The following RBM20 variants were observed in gnomAD, a reference collection of about 807,000 sequenced individuals.
RBM20 encodes the protein RNA-binding protein 20.
In RBM20, 51 loss-of-function variants were observed where a neutral mutation model predicts 110.1. The ratio of observed to expected loss-of-function variants is 0.46; its 90% confidence interval spans 0.37 to 0.59. RBM20 has a LOEUF of 0.59. Among genes scored for constraint, RBM20 ranks in the 20% least tolerant of loss-of-function variants. The pLI, the probability that RBM20 is intolerant of heterozygous loss-of-function variation, is 0.00. For synonymous variants in RBM20, 589 were observed against 618.2 expected (o/e 0.95, Z 0.70); for missense variants, 1,512 against 1,574.9 (o/e 0.96, Z 0.68).
At chr10:110,677,302 G>A (rs1862352806) in intron 1 of RBM20, among the ~76,000 whole-genome samples, 1 of 147,152 alleles carries the variant, frequency 6.8e-6, no homozygotes, top group African/African-American at 2.5e-5. Context: ...ACCTCTTAAA[G>A]GCCCTATCTT....
chr10:110,761,448 C>T (rs538251436), intron 1 of RBM20, among the ~76,000 whole-genome samples: 1 of 151,524 alleles, frequency 6.6e-6, no homozygotes, highest in African/African-American at 2.4e-5. Context: ...TAGTAAATAT[C>T]ACTTTTTAAT....
chr10:110,738,253 A>G (rs7081422), intron 1 of RBM20, among the ~76,000 whole-genome samples: 107,477 of 152,040 alleles, frequency 0.71, 38,739 homozygotes, highest in African/African-American at 0.86. Flanking sequence ...ACAGCAAAAC[A>G]TAGGCTTTAT....
At chr10:110,659,858 T>C (rs113297109) in intron 1 of RBM20, among the ~76,000 whole-genome samples, 4,439 of 150,536 alleles carry the variant, frequency 0.029, 60 homozygotes, top group Admixed American at 0.05. Context: ...TTCCTCTTCT[T>C]TTTTTTTTAA....
At chr10:110,776,820 AT>A (rs1844271347) in intron 1 of RBM20, among the ~76,000 whole-genome samples, 1 of 152,240 alleles carries the variant, frequency 6.6e-6, no homozygotes, top group South Asian at 2.1e-4. Flanking sequence ...TATCCACTCA[AT>A]TTAAAAACCT....
Position 110,820,149 on chromosome 10 carries a change from T to A in RBM20, c.2628T>A (p.Ser876=). 6.4e-7 allele frequency: 1 copy of A among 1,551,444 alleles called. No homozygotes were observed. Residue 876 remains serine (S), a synonymous_variant, in exon 10 of 14, where the codon TCT becomes TCA. Transcript: ENST00000369519. The part of the protein sequence containing the change: ...VGRQEKEAEF[S]DPENTRTKKE... ...GACAGGAGAAAGAAGCAGAGTTCTC[T>A]GATCCGGAAAACACAAGGACAAAGA...
In RBM20 at chr10:110,759,046, C is replaced by T. The variant is rs187607911; in HGVS notation, c.192-21755C>T. ...TCCCTGCTCAACAAAGAACCTATTT[C>T]CTTTCCTAGGAAGGACTCATTCCAC... is the stretch of plus-strand genomic sequence containing the variant. On this transcript the variant is annotated intron_variant, in intron 1 of 13. Transcript: ENST00000369519. 2.5e-3 allele frequency among the ~76,000 whole-genome samples: 381 copies of T among 152,310 alleles called. 2 individuals are homozygous for T. Among genetic ancestry groups the T allele is most frequent in the African/African-American group, 8.4e-3 (348 of 41,562 alleles).
intron 1 of RBM20, among the ~76,000 whole-genome samples, chr10:110,650,740 C>G (rs1861934653): frequency 6.6e-6 from 1 of 152,192 alleles, no homozygotes; most frequent in African/African-American, 2.4e-5. Flanking sequence ...ATCTTAAATA[C>G]TTTTTGGTTT....
chr10:110,700,919 A>G (rs1301769358), intron 1 of RBM20, among the ~76,000 whole-genome samples: 1 of 152,070 alleles, frequency 6.6e-6, no homozygotes, highest in African/African-American at 2.4e-5. Flanking sequence ...GGAGGCTGAG[A>G]CGGGAGAATC....
chr10:110,829,685 G>A (rs1029875908), intron 12 of RBM20, among the ~76,000 whole-genome samples: 1 of 152,220 alleles, frequency 6.6e-6, no homozygotes, highest in Non-Finnish European at 1.5e-5. Flanking sequence ...ACTTAGCTCA[G>A]TGTCCTGGGA....
chr10:110,703,660 G>A (rs919897720), intron 1 of RBM20, among the ~76,000 whole-genome samples: 1 of 152,160 alleles, frequency 6.6e-6, no homozygotes, highest in African/African-American at 2.4e-5. Flanking sequence ...GTAGGTTCAT[G>A]TTTCCAGCAC....
intron 1 of RBM20, among the ~76,000 whole-genome samples, chr10:110,677,055 G>A (rs1468828858): frequency 6.6e-6 from 1 of 152,078 alleles, no homozygotes; most frequent in Admixed American, 6.5e-5. Context: ...AGTTATGGGG[G>A]CTGAGAAGTC....
intron 9 of RBM20, among the ~76,000 whole-genome samples, chr10:110,818,319 A>G (rs575355002): frequency 6.6e-6 from 1 of 151,450 alleles, no homozygotes; most frequent in African/African-American, 2.4e-5. Flanking sequence ...CAAAACGACA[A>G]TATGGTGAGG....
At position 110,781,090 on chromosome 10, in the gene RBM20, A is replaced by C. The variant is rs190897417; in HGVS notation, c.481A>C (p.Ser161Arg). Residue 161 changes from serine (S) to arginine (R), a missense_variant, in exon 2 of 14, where the codon AGT becomes CGT. Coordinates refer to ENST00000369519, the MANE Select transcript of RBM20 (RefSeq NM_001134363.3). The stretch of plus-strand genomic sequence containing the variant: ...TCCCCAACATGCTGCAGCCATACCC[A>C]GTACCCGGTTTCCCTCTAATGCAAT... ...GVPQHAAAIP[S>R]TRFPSNAIAF... 1.3e-6 allele frequency: 2 copies of C among 1,551,876 alleles called. No individual in the cohort carries two copies. The highest frequency in any genetic ancestry group is 8.7e-7 in the Non-Finnish European group (1 of 1,147,028).
At chr10:110,746,380 A>G (rs1383596064) in intron 1 of RBM20, among the ~76,000 whole-genome samples, 1 of 152,198 alleles carries the variant, frequency 6.6e-6, no homozygotes. Context: ...TATTTAATCC[A>G]CTGTAGAGTG....
At chr10:110,767,932 T>C (rs1844129147) in intron 1 of RBM20, among the ~76,000 whole-genome samples, 1 of 152,238 alleles carries the variant, frequency 6.6e-6, no homozygotes, top group Non-Finnish European at 1.5e-5. Flanking sequence ...CGCTCCAGCC[T>C]GGGCACCATT....
At chr10:110,664,112 C>A (rs1283328990) in intron 1 of RBM20, among the ~76,000 whole-genome samples, 1 of 152,118 alleles carries the variant, frequency 6.6e-6, no homozygotes, top group Admixed American at 6.5e-5. Flanking sequence ...TACTGAACAG[C>A]CTAGAAATAA....
intron 1 of RBM20, among the ~76,000 whole-genome samples, chr10:110,649,405 G>A (rs1051436621): frequency 1.3e-5 from 2 of 152,140 alleles, no homozygotes; most frequent in African/African-American, 4.8e-5. Context: ...GGGAACTGGG[G>A]TTTAATCAAG....
chr10:110,715,074 C>T (rs902358981), intron 1 of RBM20, among the ~76,000 whole-genome samples: 3 of 152,102 alleles, frequency 2.0e-5, no homozygotes, highest in African/African-American at 4.8e-5. Flanking sequence ...ATGGTGAAAC[C>T]CCAACTCTAC....
intron 1 of RBM20, among the ~76,000 whole-genome samples, chr10:110,674,670 C>T (rs866282099): frequency 8.5e-5 from 13 of 152,314 alleles, no homozygotes; most frequent in Middle Eastern, 3.4e-3. Context: ...TAAGTGCAGG[C>T]GTTAAGATTG....
Sources: gnomAD v4.1 joint callset for allele counts (sites outside exome capture counted in the v4.1 genomes callset) on GRCh38, gnomAD v4.1.1 for gene constraint, MANE v1.5 for transcripts, NCBI Gene and HGNC (gene_info 2026-07-23, HGNC 2026-07-21) for gene names.